ACRBP: variants seen among roughly 807,000 people sequenced by gnomAD.
The protein encoded by ACRBP is acrosin binding protein.
A neutral mutation model predicts 69.0 loss-of-function variants in ACRBP; 52 were observed. The ratio of observed to expected loss-of-function variants is 0.75; its 90% CI spans 0.60 to 0.95. The LOEUF is 0.95. Ranked by LOEUF, ACRBP falls within the 40% of genes least tolerant of loss-of-function variation. The probability of loss-of-function intolerance (pLI) is 0.00; values close to 1 mark genes in which losing one functional copy is unlikely to be tolerated. For synonymous variants in ACRBP, 267 were observed against 258.9 expected (o/e 1.03, Z -0.30); for missense variants, 604 against 673.0 (o/e 0.90, Z 1.13).
At position 6,646,948 on chromosome 12, in the gene ACRBP, G is replaced by T. The variant is rs1243924282; in HGVS notation, c.108C>A (p.Ser36Arg). 6.2e-7 allele frequency: 1 copy of T among 1,613,546 alleles called. No homozygotes were observed. The highest frequency in any genetic ancestry group is 8.5e-7 in the Non-Finnish European group (1 of 1,180,018). Residue 36 changes from serine (S) to arginine (R), a missense_variant, in exon 2 of 10, where the codon AGC (serine) becomes AGA (arginine). This residue lies in a region of ACRBP where 532 missense variants were observed against 562.9 expected (regional missense o/e 0.95). Coordinates refer to ENST00000229243, the MANE Select transcript of ACRBP (RefSeq NM_032489.3). ...QDSTQASTPG[S>R]PLSPTEYERF... ...GTTCGTATTCGGTAGGAGAGAGAGG[G>T]CTGCCTGGAGTGGAGGCCTGAGTCG...
chr12:6,646,998 G>C lies in ACRBP; in HGVS notation c.58C>G (p.Leu20Val). 1 of 1,610,332 alleles carries C rather than the reference G, an allele frequency of 6.2e-7. No individual in the cohort carries two copies. Among genetic ancestry groups the C allele is most frequent in the Non-Finnish European group, 8.5e-7 (1 of 1,179,940 alleles). ...GAATCCTGGGCTGCGGCAGGTGCCA[G>C]AGGCAGGAGCAGCACTGCGGAGCGG... The part of the protein sequence containing the change: ...PSLLKVLLLP[L>V]APAAAQDSTQ... The change falls in exon 2 of 10, where the codon CTG (leucine) becomes GTG (valine). Residue 20 changes from leucine to valine, a missense_variant. Around this residue, in one of 3 missense-constraint regions of ACRBP, gnomAD observed 532 missense variants for 562.9 expected, o/e 0.95. Transcript: ENST00000229243.
chr12:6,644,370 C>T lies in ACRBP; in HGVS notation c.711G>A (p.Gly237=). The part of the protein sequence containing the change: ...EEEGKQEEGQ[G]TKEGREAVSQ... ...ACACAGCCTCCCGTCCCTCCTTAGT[C>T]CCCTGTCCTTCTTCCTGCTTTCCCT... Residue 237 remains glycine, a synonymous_variant, in exon 5 of 10, where the codon GGG becomes GGA. Transcript: ENST00000229243. 1 of 1,613,882 alleles carries T rather than the reference C, an allele frequency of 6.2e-7. No individual in the cohort carries two copies. The highest frequency in any genetic ancestry group is 8.5e-7 in the Non-Finnish European group (1 of 1,179,924).
Position 6,638,957 on chromosome 12 carries a change from C to T in ACRBP, c.1506G>A (p.Arg502=). ...SQQCLMRNRN[R]KVSRMRCLQN... is the part of the protein sequence containing the mutation. The stretch of plus-strand genomic sequence containing the variant: ...GGGGCAGGGCAGGGGTGCTCACCTT[C>T]CGATTGCGGTTTCTCATCAGACACT... The change falls in exon 9 of 10, where the codon CGG becomes CGA. Residue 502 remains arginine (R), a synonymous_variant. Coordinates refer to ENST00000229243, the MANE Select transcript of ACRBP (RefSeq NM_032489.3). 1 of 1,613,928 alleles carries T rather than the reference C, an allele frequency of 6.2e-7. No homozygotes were observed. The highest frequency in any genetic ancestry group is 8.5e-7 in the Non-Finnish European group (1 of 1,179,936).
Position 6,644,356 on chromosome 12 carries a change from C to T in ACRBP, c.725G>A (p.Arg242Gln), listed in dbSNP as rs137907685. 34 of 1,613,954 alleles carry T rather than the reference C, an allele frequency of 2.1e-5. No homozygotes were observed. Among genetic ancestry groups the T allele is most frequent in the African/African-American group, 1.3e-4 (10 of 74,998 alleles). The change falls in exon 5 of 10, where the codon CGG becomes CAG. Residue 242 changes from arginine (R) to glutamine (Q), a missense_variant. Physicochemically the swap from Arg to Gln is conservative, Grantham distance 43. Coordinates refer to ENST00000229243, the MANE Select transcript of ACRBP (RefSeq NM_032489.3). ...QEEGQGTKEG[R>Q]EAVSQLQTDS... Reference sequence around the variant, plus strand: ...TGTCTGCAGCTGAGACACAGCCTCCCGTCCCTCCTTAGTCCCCTGTCCTTC... The same window carrying T: ...TGTCTGCAGCTGAGACACAGCCTCCTGTCCCTCCTTAGTCCCCTGTCCTTC...
In ACRBP at chr12:6,638,328, C is replaced by T. The variant is rs763758076; in HGVS notation, c.1586G>A (p.Arg529Gln). ...CAAGGTGCTGAACTCCTGGCTCCAT[C>T]GAAGCACAACGTCCTCACTTTTGCC... ...SPGKSEDVVL[R>Q]WSQEFSTLTL... Residue 529 changes from arginine to glutamine, a missense_variant, in exon 10 of 10, where the codon CGA (arginine) becomes CAA (glutamine). Around this residue, in one of 3 missense-constraint regions of ACRBP, gnomAD observed 51 missense variants for 60.1 expected, o/e 0.85. Coordinates refer to ENST00000229243, the MANE Select transcript of ACRBP (RefSeq NM_032489.3). 37 of 1,614,010 alleles carry T rather than the reference C, an allele frequency of 2.3e-5. No homozygotes were observed. Among genetic ancestry groups the T allele is most frequent in the Admixed American group, 6.7e-5 (4 of 60,006 alleles).
In ACRBP at chr12:6,646,972, C is replaced by T. The variant is rs768482625; in HGVS notation, c.84G>A (p.Ser28=). 3 of 1,612,562 alleles carry T rather than the reference C, an allele frequency of 1.9e-6. No homozygotes were observed. The highest frequency in any genetic ancestry group is 2.5e-6 in the Non-Finnish European group (3 of 1,179,856). ...LPLAPAAAQD[S]TQASTPGSPL... ...GGCTGCCTGGAGTGGAGGCCTGAGT[C>T]GAATCCTGGGCTGCGGCAGGTGCCA... The change falls in exon 2 of 10, where the codon TCG becomes TCA. Residue 28 remains serine, a synonymous_variant. Transcript: ENST00000229243.
chr12:6,646,125 A>AT (rs59626834), intron 3 of ACRBP, among the ~76,000 whole-genome samples: 9,710 of 121,352 alleles, frequency 0.08, 496 homozygotes, highest in African/African-American at 0.12. Flanking sequence ...AAGCCCGGCT[A>AT]TTTTTTTTTT....
chr12:6,645,448 G>A, intron 3 of ACRBP, 111 bp from the exon 4 acceptor site: 1 of 832,190 alleles, frequency 1.2e-6, no homozygotes, highest in Non-Finnish European at 2.0e-6. Context: ...TTCTAGGCAG[G>A]GATAAAGGGA....
At chr12:6,645,674 T>TG (rs1244899208) in intron 3 of ACRBP, among the ~76,000 whole-genome samples, 6 of 150,982 alleles carry the variant, frequency 4.0e-5, no homozygotes, top group African/African-American at 1.2e-4. Flanking sequence ...TTGTTTTTTT[T>TG]TTTTGAGACG....
chr12:6,639,607 C>T (rs1949036440), intron 8 of ACRBP, among the ~76,000 whole-genome samples: 1 of 152,186 alleles, frequency 6.6e-6, no homozygotes, highest in African/African-American at 2.4e-5. Flanking sequence ...GGAGGTAACT[C>T]AGGGGAACGG....
rs563951329 is a variant in ACRBP, at chr12:6,647,215, C to T, written c.43+109G>A. 80 of 1,348,686 alleles carry T rather than the reference C, an allele frequency of 5.9e-5. No homozygotes were observed. The African/African-American group carries it at 1.2e-3, about 20-fold the overall frequency. 83.5% of individuals were successfully genotyped at this position (1,348,686 alleles called of 1,614,324 possible). A position where few individuals can be genotyped will look rare whatever the true frequency, so the allele number is the denominator to read the frequency against. ...GTATCCCAGGACCTAGGGAGCCGAC[C>T]CAGCGCGACCACCATGAGGAAGCGA... On this transcript the variant is annotated intron_variant, in intron 1 of 9. Transcript: ENST00000229243.
intron 9 of ACRBP, 182 bp from the exon 10 acceptor site, chr12:6,638,586 AC>A: frequency 8.2e-7 from 1 of 1,212,350 alleles, no homozygotes; most frequent in Non-Finnish European, 1.1e-6. Context: ...AAGCAGCCCA[AC>A]CCCTTTCATG....
Position 6,640,040 on chromosome 12 carries a change from C to A in ACRBP, c.1425+20G>T, listed in dbSNP as rs1444842308. Reference sequence around the variant, plus strand: ...GGGTGAGGGTAGGGATGGGGCTGAGCTTTGGGGAAAGGTTCTAACCTTGGT... The same window carrying A: ...GGGTGAGGGTAGGGATGGGGCTGAGATTTGGGGAAAGGTTCTAACCTTGGT... On this transcript the variant is annotated intron_variant, in intron 8 of 9. Transcript: ENST00000229243. This position sits in a 1 kb window ranked among gnomAD's most constrained non-coding sequence, Gnocchi z 5.3. 6.2e-7 allele frequency: 1 copy of A among 1,613,568 alleles called. No individual in the cohort carries two copies. The highest frequency in any genetic ancestry group is 1.7e-5 in the Admixed American group (1 of 59,970).
In ACRBP at chr12:6,646,914, CGAA is replaced by C. The variant is rs1949094043; in HGVS notation, c.139_141del (p.Phe47del). 1 of 1,613,914 alleles carries C rather than the reference CGAA, an allele frequency of 6.2e-7. No individual in the cohort carries two copies. The highest frequency in any genetic ancestry group is 1.1e-5 in the South Asian group (1 of 91,082). Reference sequence around the variant, plus strand: ...GCCTTCCAGGTTGGAGTCAGCAGTGCGAAGAAGCGTTCGTATTCGGTAGGAGAG... The same window carrying C: ...GCCTTCCAGGTTGGAGTCAGCAGTGCGAAGCGTTCGTATTCGGTAGGAGAG... On this transcript the variant is annotated inframe_deletion, in exon 2 of 10. Transcript: ENST00000229243.
Position 6,644,212 on chromosome 12 carries a change from C to A in ACRBP, c.869G>T (p.Arg290Leu), listed in dbSNP as rs761348118. The change falls in exon 5 of 10, where the codon CGA becomes CTA. Residue 290 changes from arginine to leucine, a missense_variant. Arg to Leu is a moderately radical substitution (Grantham distance 102). This residue lies in a region of ACRBP where 532 missense variants were observed against 562.9 expected (regional missense o/e 0.95). Coordinates refer to ENST00000229243, the MANE Select transcript of ACRBP (RefSeq NM_032489.3). ...CATTTCATCTATTTCCTGGGCTGATCGAATGAGCTCCTGGATGTTCTCCAT... is the reference window on the plus strand; with the variant it reads ...CATTTCATCTATTTCCTGGGCTGATAGAATGAGCTCCTGGATGTTCTCCAT... ...MIMENIQELI[R>L]SAQEIDEMNE... The A allele has an allele frequency of 6.2e-7, 1 of 1,613,648 alleles. No individual in the cohort carries two copies. Among genetic ancestry groups the A allele is most frequent in the East Asian group, 2.2e-5 (1 of 44,852 alleles).
intron 6 of ACRBP, 145 bp downstream of exon 6, chr12:6,643,394 T>A: frequency 1.7e-6 from 2 of 1,157,546 alleles, no homozygotes; most frequent in East Asian, 2.5e-5. Flanking sequence ...ATGCCCTTCC[T>A]AAGAAAAGAG....
Position 6,646,923 on chromosome 12 carries a change from G to A in ACRBP, c.133C>T (p.Arg45Cys). ...GSPLSPTEYE[R>C]FFALLTPTWK... ...GTTGGAGTCAGCAGTGCGAAGAAGC[G>A]TTCGTATTCGGTAGGAGAGAGAGGG... The change falls in exon 2 of 10, where the codon CGC (arginine) becomes TGC (cysteine). Residue 45 changes from arginine (R) to cysteine (C), a missense_variant. Around this residue, in one of 3 missense-constraint regions of ACRBP, gnomAD observed 532 missense variants for 562.9 expected, o/e 0.95. Transcript: ENST00000229243. 3.1e-6 allele frequency: 5 copies of A among 1,614,080 alleles called. No individual in the cohort carries two copies. Among genetic ancestry groups the A allele is most frequent in the Non-Finnish European group, 8.5e-7 (1 of 1,180,026 alleles).
intron 6 of ACRBP, among the ~76,000 whole-genome samples, chr12:6,641,479 C>G (rs772968488): frequency 2.0e-5 from 3 of 152,138 alleles, no homozygotes; most frequent in Non-Finnish European, 4.4e-5. Context: ...AGAGTTTTTG[C>G]GTCATGACCC....
chr12:6,645,082 T>G, intron 4 of ACRBP, 138 bp downstream of exon 4: 1 of 655,508 alleles, frequency 1.5e-6, no homozygotes, highest in Non-Finnish European at 2.7e-6. Context: ...CTGACACTCC[T>G]TTGTGTAAAC....
Sources: gnomAD v4.1 joint callset for allele counts (sites outside exome capture counted in the v4.1 genomes callset) on GRCh38, gnomAD v4.1.1 for gene constraint, gnomAD v4.1.1 regional missense constraint, Gnocchi (gnomAD v3.1) non-coding constraint, MANE v1.5 for transcripts, NCBI Gene and HGNC (gene_info 2026-07-23, HGNC 2026-07-21) for gene names.